Variants in HSPG2 observed in about 807,000 individuals in gnomAD.
HSPG2 encodes basement membrane-specific heparan sulfate proteoglycan core protein.
In HSPG2, 278 loss-of-function variants were observed where a neutral mutation model predicts 526.6. That is an observed-to-expected ratio of 0.53 (90% CI 0.48 to 0.58). The LOEUF (loss-of-function observed/expected upper bound fraction) is 0.58. Ranked by LOEUF, HSPG2 falls within the 20% of genes least tolerant of loss-of-function variation. The pLI, the probability that HSPG2 is intolerant of heterozygous loss-of-function variation, is 0.00. For missense variants in HSPG2, 5,354 were observed against 6,099.5 expected (o/e 0.88, Z 4.07); for synonymous variants, 2,465 against 2,555.4 (o/e 0.96, Z 1.07).
Position 21,887,119 on chromosome 1 carries a change from G to A in HSPG2, c.1078+96C>T, listed in dbSNP as rs1641953332. The A allele has an allele frequency of 1.4e-6, 2 of 1,426,964 alleles. No individual in the cohort carries two copies. The allele number at this position is 1,426,964 out of a possible 1,614,324, so 88.4% of individuals were successfully genotyped here. On this transcript the variant is annotated intron_variant, in intron 9 of 96. Coordinates refer to ENST00000374695, the MANE Select transcript of HSPG2 (RefSeq NM_005529.7). This position sits in a 1 kb window ranked among gnomAD's most constrained non-coding sequence, Gnocchi z 5.0. ...GGGACTGGGGAGGGGGGAAAGCGGA[G>A]GGGCAGGGTAGGGGCGGGGCAGGAG... is the stretch of plus-strand genomic sequence containing the variant.
rs776154012 is a variant in HSPG2 at position 21,876,517 on chromosome 1, C to T, written c.2821G>A (p.Ala941Thr). Residue 941 changes from alanine to threonine, a missense_variant, in exon 22 of 97, where the codon GCC (alanine) becomes ACC (threonine). By Grantham distance (58) the Ala-to-Thr change is moderately conservative. Transcript: ENST00000374695. ...RHCTSSSWSR[A>T]QLHGASEEPG... is the part of the protein sequence containing the mutation. ...CGCCCACCTTGCAGAGGTACCTGGG[C>T]ACGGCTCCATGAAGAGCTGGTGCAG... is the stretch of plus-strand genomic sequence containing the variant. The T allele has an allele frequency of 6.4e-5, 104 of 1,614,024 alleles. No homozygotes were observed. In the South Asian group the frequency reaches 1.0e-3, roughly 16 times the overall value.
At position 21,885,374 on chromosome 1, in the gene HSPG2, A is replaced by C. The variant is rs761129050; in HGVS notation, c.1156T>G (p.Phe386Val). 1 of 1,614,096 alleles carries C rather than the reference A, an allele frequency of 6.2e-7. No homozygotes were observed. The highest frequency in any genetic ancestry group is 8.5e-7 in the Non-Finnish European group (1 of 1,180,000). ...VSTNMCIPAS[F>V]HCDEESDCPD... ...CAGTCGCTCTCCTCGTCACAGTGGAAGCTGGCTGGGATGCACATGTTGGTA... is the reference window on the plus strand; with the variant it reads ...CAGTCGCTCTCCTCGTCACAGTGGACGCTGGCTGGGATGCACATGTTGGTA... The change falls in exon 10 of 97, where the codon TTC becomes GTC. Residue 386 changes from phenylalanine to valine, a missense_variant. Phe to Val is a conservative substitution (Grantham distance 50, BLOSUM62 -1). Transcript: ENST00000374695.
At position 21,875,855 on chromosome 1, in the gene HSPG2, T is replaced by C. The variant is rs886046039; in HGVS notation, c.3183+8A>G. The C allele has an allele frequency of 6.2e-7, 1 of 1,613,848 alleles. No homozygotes were observed. The highest frequency in any genetic ancestry group is 8.5e-7 in the Non-Finnish European group (1 of 1,179,986). On this transcript the variant is annotated splice_region_variant and intron_variant, in intron 24 of 96. Coordinates refer to ENST00000374695, the MANE Select transcript of HSPG2 (RefSeq NM_005529.7). ...GCACCCCTACCCCCAGGGGACAGTA[T>C]TGCTCACCTCCCGGAAAGGCACAAT...
rs368047383 is a variant in HSPG2, at chr1:21,855,860, T to C, written c.5628A>G (p.Thr1876=). 2.5e-5 allele frequency: 41 copies of C among 1,612,870 alleles called. No individual in the cohort carries two copies. Among genetic ancestry groups the C allele is most frequent in the African/African-American group, 2.3e-4 (17 of 74,926 alleles). ...PVVSIHPPQL[T]VQPGQLAEFR... ...ACTCCGCCAGTTGCCCGGGCTGCAC[T>C]GTGAGCTGTGGCGGATGGATGGAGA... is the stretch of plus-strand genomic sequence containing the variant. Residue 1876 remains threonine, a synonymous_variant, in exon 45 of 97, where the codon ACA becomes ACG. Coordinates refer to ENST00000374695, the MANE Select transcript of HSPG2 (RefSeq NM_005529.7).
intron 29 of HSPG2, 149 bp downstream of exon 29, chr1:21,873,776 A>G: frequency 3.0e-6 from 2 of 677,600 alleles, no homozygotes; most frequent in African/African-American, 1.8e-5. Flanking sequence ...TCTCCCGAGG[A>G]GGGGAGCTGA....
chr1:21,829,577 GAC>G lies in HSPG2; in HGVS notation c.11796_11797del (p.Ser3933GlyfsTer30). 6.2e-7 allele frequency: 1 copy of G among 1,608,366 alleles called. No individual in the cohort carries two copies. The highest frequency in any genetic ancestry group is 8.5e-7 in the Non-Finnish European group (1 of 1,176,742). ...CAGTGCCAGGTAGGAGCCAGCACCC[GAC>G]AGCGAGGGGGTGGTCACTGTCACAC... On this transcript the variant is annotated frameshift_variant, in exon 87 of 97. Transcript: ENST00000374695. LOFTEE classifies it high-confidence loss of function.
At chr1:21,843,256 C>T (rs757232750) in intron 66 of HSPG2, 41 bp downstream of exon 66, 11 of 1,612,928 alleles carry the variant, frequency 6.8e-6, no homozygotes, top group Middle Eastern at 1.7e-4. Flanking sequence ...AGGAGCCCCG[C>T]GCCTGTGCTC....
Position 21,831,702 on chromosome 1 carries a change from G to A in HSPG2, c.11302C>T (p.Gln3768Ter). ...HTVTLLRSLT[Q>*]GSLIVGDLAP... ...AGGTCACCCACAATCAGGGAGCCCTGGGTGAGGCTGCGCAGCAGGGTCACG... is the reference window on the plus strand; with the variant it reads ...AGGTCACCCACAATCAGGGAGCCCTAGGTGAGGCTGCGCAGCAGGGTCACG... The change falls in exon 82 of 97, where the codon CAG becomes TAG. Residue 3768 changes from glutamine to a stop codon, truncating the protein, a stop_gained. Transcript: ENST00000374695. LOFTEE classifies it high-confidence loss of function. 2.5e-6 allele frequency: 4 copies of A among 1,606,424 alleles called. No individual in the cohort carries two copies. Among genetic ancestry groups the A allele is most frequent in the Non-Finnish European group, 3.4e-6 (4 of 1,175,748 alleles).
At chr1:21,843,159 G>A (rs2152707369) in intron 66 of HSPG2, 138 bp downstream of exon 66, 1 of 1,300,162 alleles carries the variant, frequency 7.7e-7, no homozygotes, top group East Asian at 2.3e-5. Context: ...GAACACCTGG[G>A]TTGGCTTGAT....
chr1:21,838,012 T>G (rs1460976501), intron 74 of HSPG2, among the ~76,000 whole-genome samples: 1 of 151,534 alleles, frequency 6.6e-6, no homozygotes, highest in Non-Finnish European at 1.5e-5. Flanking sequence ...GGCGCGTGCC[T>G]GTAGTGCCAG....
intron 21 of HSPG2, among the ~76,000 whole-genome samples, chr1:21,877,810 C>A (rs989232361): frequency 6.6e-6 from 1 of 152,130 alleles, no homozygotes; most frequent in African/African-American, 2.4e-5. Context: ...TGCTCCCATT[C>A]CTAACGCAAG....
chr1:21,868,097 G>A (rs1640379983), intron 33 of HSPG2, among the ~76,000 whole-genome samples: 1 of 151,660 alleles, frequency 6.6e-6, no homozygotes, highest in African/African-American at 2.4e-5. Context: ...GGAGTGAAGT[G>A]GCATGATCTA....
rs377228309 is a variant in HSPG2, at chr1:21,880,647, G to A, written c.1998+9C>T. Reference sequence around the variant, plus strand: ...TGCTCCCAGCCCTAAGGGCTCAGGCGCCACCCACCTCAGAGAACTGGACCT... The same window carrying A: ...TGCTCCCAGCCCTAAGGGCTCAGGCACCACCCACCTCAGAGAACTGGACCT... On this transcript the variant is annotated intron_variant, in intron 15 of 96. Transcript: ENST00000374695. The A allele has an allele frequency of 5.8e-3, 9,169 of 1,592,570 alleles. 34 individuals carry two copies. The highest frequency in any genetic ancestry group is 7.0e-3 in the Non-Finnish European group (8,191 of 1,169,762).
chr1:21,867,668 T>C lies in HSPG2; in HGVS notation c.4222-1859A>G, dbSNP rs140463711. Among the ~76,000 whole-genome samples the C allele has an allele frequency of 3.0e-4, 46 of 152,306 alleles. 1 individual carries two copies. In the East Asian group the frequency reaches 8.9e-3, roughly 29 times the overall value. ...ACCCTCGGCTCCAGCAGATTGCTTCTTATCCTCACCCCTCAACCTCCCTGT... is the reference window on the plus strand; with the variant it reads ...ACCCTCGGCTCCAGCAGATTGCTTCCTATCCTCACCCCTCAACCTCCCTGT... On this transcript the variant is annotated intron_variant, in intron 33 of 96. Coordinates refer to ENST00000374695, the MANE Select transcript of HSPG2 (RefSeq NM_005529.7).
At position 21,890,221 on chromosome 1, in the gene HSPG2, C is replaced by T. The variant is rs556226139; in HGVS notation, c.414-80G>A. 5,457 of 1,544,710 alleles carry T rather than the reference C, an allele frequency of 3.5e-3. 14 individuals carry two copies. Among genetic ancestry groups the T allele is most frequent in the Non-Finnish European group, 4.3e-3 (4,851 of 1,120,140 alleles). The stretch of plus-strand genomic sequence containing the variant: ...CTCCTCCATGAGGCTCCCGCCCCGA[C>T]GCTCAGGCCCTGTTCCGGGACAGCC... On this transcript the variant is annotated intron_variant, in intron 5 of 96. Coordinates refer to ENST00000374695, the MANE Select transcript of HSPG2 (RefSeq NM_005529.7). This position sits in a 1 kb window ranked among gnomAD's most constrained non-coding sequence, Gnocchi z 4.1.
intron 13 of HSPG2, 79 bp downstream of exon 13, chr1:21,884,449 G>A (rs1220296273): frequency 1.1e-5 from 18 of 1,570,244 alleles, no homozygotes; most frequent in African/African-American, 6.8e-5. Context: ...CCCTCTGTCC[G>A]CATCTATCCT....
At chr1:21,845,465 GCC>G (rs1053922949) in intron 64 of HSPG2, among the ~76,000 whole-genome samples, 2 of 152,042 alleles carry the variant, frequency 1.3e-5, no homozygotes, top group African/African-American at 4.8e-5. Flanking sequence ...TGCAACCTCT[GCC>G]TCCTGGGTTC....
Position 21,890,233 on chromosome 1 carries a change from G to T in HSPG2, c.414-92C>A. ...GCTCCCGCCCCGACGCTCAGGCCCT[G>T]TTCCGGGACAGCCTGTACCCAAAGA... On this transcript the variant is annotated intron_variant, in intron 5 of 96. Transcript: ENST00000374695. The surrounding 1 kb of genome is among the most constrained non-coding windows in gnomAD (Gnocchi z 4.1). 8 of 1,502,554 alleles carry T rather than the reference G, an allele frequency of 5.3e-6. No homozygotes were observed. Among genetic ancestry groups the T allele is most frequent in the Non-Finnish European group, 7.4e-6 (8 of 1,082,998 alleles). The allele number at this position is 1,502,554 out of a possible 1,614,324, so 93.1% of individuals were successfully genotyped here. A position where few individuals can be genotyped will look rare whatever the true frequency, so the allele number is the denominator to read the frequency against.
At chr1:21,867,729 C>CT (rs920500058) in intron 33 of HSPG2, among the ~76,000 whole-genome samples, 5 of 151,912 alleles carry the variant, frequency 3.3e-5, no homozygotes, top group East Asian at 1.9e-4. Context: ...ACTGCCTATT[C>CT]TTTTTTTTGT....
Sources: gnomAD v4.1 joint callset for allele counts (sites outside exome capture counted in the v4.1 genomes callset) on GRCh38, gnomAD v4.1.1 for gene constraint, Gnocchi (gnomAD v3.1) non-coding constraint, MANE v1.5 for transcripts, NCBI Gene and HGNC (gene_info 2026-07-23, HGNC 2026-07-21) for gene names.